Variants in SLC38A1 observed in about 807,000 individuals in gnomAD.
The protein encoded by SLC38A1 is solute carrier family 38 member 1.
SLC38A1 carries 18 observed loss-of-function variants against 60.3 expected under a neutral mutation model. The observed-to-expected ratio is 0.30, with a 90% CI of 0.21 to 0.44. The LOEUF (loss-of-function observed/expected upper bound fraction) is 0.44. Among genes scored for constraint, SLC38A1 ranks in the 20% least tolerant of loss-of-function variants. SLC38A1 has a pLI of 1.00. For synonymous variants in SLC38A1, 196 were observed against 212.1 expected, an observed-to-expected ratio of 0.92 and a Z score of 0.66; for missense variants, 448 against 587.2, an observed-to-expected ratio of 0.76 and a Z score of 2.45.
Position 46,200,719 on chromosome 12 carries a change from T to A in SLC38A1, c.1003+379A>T, listed in dbSNP as rs567307759. Among the ~76,000 whole-genome samples, 4 of 152,260 alleles carry A rather than the reference T, an allele frequency of 2.6e-5. No homozygotes were observed. The South Asian group carries it at 8.3e-4, about 32-fold the overall frequency. The stretch of plus-strand genomic sequence containing the variant: ...TGTCATGAGTGTAGCACTCTGCTCT[T>A]TCTCACTTTCAGCATCTGTCTCTGT... On this transcript the variant is annotated intron_variant, in intron 13 of 16. Transcript: ENST00000398637.
chr12:46,216,873 C>T (rs547347574), intron 5 of SLC38A1, among the ~76,000 whole-genome samples: 1 of 150,486 alleles, frequency 6.6e-6, no homozygotes. Flanking sequence ...AAAAAAAAAT[C>T]CTTTGTTTAA....
At chr12:46,251,514 G>A (rs1057096861) in intron 1 of SLC38A1, among the ~76,000 whole-genome samples, 37 of 152,164 alleles carry the variant, frequency 2.4e-4, no homozygotes, top group Admixed American at 5.2e-4. Context: ...TTAAACTAAA[G>A]AGCTTCAGCA....
chr12:46,247,533 T>A (rs1941663366), intron 1 of SLC38A1, among the ~76,000 whole-genome samples: 1 of 152,176 alleles, frequency 6.6e-6, no homozygotes, highest in Non-Finnish European at 1.5e-5. Flanking sequence ...TATGGGACTA[T>A]GTGAAGAGAC....
chr12:46,239,562 C>G (rs937917660), intron 3 of SLC38A1, 117 bp downstream of exon 3: 9 of 1,149,026 alleles, frequency 7.8e-6, no homozygotes, highest in Non-Finnish European at 1.1e-5. Flanking sequence ...AGGCTGGTCT[C>G]GAATTCCTGA....
At chr12:46,240,538 T>C (rs1941411804) in intron 2 of SLC38A1, among the ~76,000 whole-genome samples, 1 of 152,196 alleles carries the variant, frequency 6.6e-6, no homozygotes, top group Admixed American at 6.5e-5. Context: ...GTTATTTTAA[T>C]GTGTCAGATC....
intron 5 of SLC38A1, among the ~76,000 whole-genome samples, chr12:46,216,649 G>A (rs775117120): frequency 3.3e-5 from 5 of 152,162 alleles, no homozygotes; most frequent in South Asian, 2.1e-4. Context: ...TCAGGAGTTC[G>A]CGACCAGCCT....
rs538336703 is a variant in SLC38A1, at chr12:46,195,525, T to C, written c.1362+2195A>G. On this transcript the variant is annotated intron_variant, in intron 16 of 16. Coordinates refer to ENST00000398637, the MANE Select transcript of SLC38A1 (RefSeq NM_030674.4). The stretch of plus-strand genomic sequence containing the variant: ...CTGCAAAAGCTGTCTGCTGCGTTTT[T>C]TTCTGCCATGCCCTGCCTCCAGAGG... Among the ~76,000 whole-genome samples the C allele has an allele frequency of 2.6e-5, 4 of 152,236 alleles. No homozygotes were observed. The East Asian group carries it at 7.7e-4, about 29-fold the overall frequency.
At chr12:46,254,384 G>C (rs370248379) in intron 1 of SLC38A1, among the ~76,000 whole-genome samples, 44 of 152,280 alleles carry the variant, frequency 2.9e-4, no homozygotes, top group African/African-American at 1.1e-3. Context: ...TTTTACTAAA[G>C]ACAAATCATA....
At chr12:46,211,060 AT>A (rs200236431) in intron 5 of SLC38A1, among the ~76,000 whole-genome samples, 2 of 152,016 alleles carry the variant, frequency 1.3e-5, no homozygotes, top group Admixed American at 6.5e-5. Context: ...TTGTGGCATG[AT>A]TTTTTTTCCC....
chr12:46,199,141 G>T (rs968759259), intron 13 of SLC38A1, among the ~76,000 whole-genome samples: 5 of 152,058 alleles, frequency 3.3e-5, no homozygotes, highest in African/African-American at 1.2e-4. Flanking sequence ...GGGGTGGGGA[G>T]AGCTACAAGC....
At chr12:46,193,510 T>C (rs927214847) in intron 16 of SLC38A1, among the ~76,000 whole-genome samples, 4 of 152,214 alleles carry the variant, frequency 2.6e-5, no homozygotes, top group Non-Finnish European at 4.4e-5. Context: ...CTCGTTGATC[T>C]GTCTAATATT....
intron 5 of SLC38A1, among the ~76,000 whole-genome samples, chr12:46,210,926 T>C (rs927361553): frequency 6.6e-6 from 1 of 152,158 alleles, no homozygotes; most frequent in African/African-American, 2.4e-5. Flanking sequence ...AGGTCTCTTA[T>C]CTCTTCAGGT....
intron 1 of SLC38A1, among the ~76,000 whole-genome samples, chr12:46,248,282 A>G (rs1370036449): frequency 6.6e-6 from 1 of 152,222 alleles, no homozygotes; most frequent in East Asian, 1.9e-4. Context: ...TGCTGTATTC[A>G]AGAGACCCAT....
chr12:46,231,712 G>A (rs1941082530), intron 3 of SLC38A1, among the ~76,000 whole-genome samples: 1 of 152,198 alleles, frequency 6.6e-6, no homozygotes, highest in South Asian at 2.1e-4. Flanking sequence ...CTGCAGTGCA[G>A]TTGTACAATC....
At chr12:46,265,473 A>G (rs1413993304) in intron 1 of SLC38A1, among the ~76,000 whole-genome samples, 1 of 152,244 alleles carries the variant, frequency 6.6e-6, no homozygotes, top group Admixed American at 6.5e-5. Context: ...GGCATTCTGG[A>G]CTGGAATCCA....
intron 5 of SLC38A1, among the ~76,000 whole-genome samples, chr12:46,224,877 A>T (rs1940805193): frequency 6.6e-6 from 1 of 152,170 alleles, no homozygotes; most frequent in Non-Finnish European, 1.5e-5. Flanking sequence ...TCCAGGAAAA[A>T]TCTTCCTTCA....
At chr12:46,237,937 T>C (rs1008712255) in intron 3 of SLC38A1, among the ~76,000 whole-genome samples, 4 of 151,846 alleles carry the variant, frequency 2.6e-5, no homozygotes, top group African/African-American at 9.7e-5. Context: ...AATAGAACTA[T>C]TAAAGACTAG....
intron 5 of SLC38A1, among the ~76,000 whole-genome samples, chr12:46,217,424 G>A (rs529323750): frequency 6.6e-5 from 10 of 152,284 alleles, no homozygotes; most frequent in Admixed American, 2.0e-4. Flanking sequence ...TGAACACTCC[G>A]AACAGAGAGA....
intron 1 of SLC38A1, among the ~76,000 whole-genome samples, chr12:46,256,864 T>A (rs1444519095): frequency 6.6e-6 from 1 of 152,176 alleles, no homozygotes; most frequent in Non-Finnish European, 1.5e-5. Flanking sequence ...ACACCCAATA[T>A]CAAACTGGCA....
Sources: gnomAD v4.1 joint callset for allele counts (sites outside exome capture counted in the v4.1 genomes callset) on GRCh38, gnomAD v4.1.1 for gene constraint, MANE v1.5 for transcripts, NCBI Gene and HGNC (gene_info 2026-07-23, HGNC 2026-07-21) for gene names.